Variants in ABLIM1 observed in about 807,000 individuals in gnomAD.
ABLIM1 encodes actin binding LIM protein 1.
A neutral mutation model predicts 107.0 loss-of-function variants in ABLIM1; 40 were observed. That is an observed-to-expected ratio of 0.37 (90% CI 0.29 to 0.49). The LOEUF (loss-of-function observed/expected upper bound fraction) is 0.49. ABLIM1 is among the 20% of genes least tolerant of loss of function. ABLIM1 has a pLI of 0.97. For synonymous variants in ABLIM1, 357 were observed against 357.3 expected, an observed-to-expected ratio of 1.00 and a Z score of 0.01; for missense variants, 857 against 1,008.5, an observed-to-expected ratio of 0.85 and a Z score of 2.04.
At chr10:114,613,774 C>G in intron 1 of ABLIM1, 1 of 1,293,548 alleles carries the variant, frequency 7.7e-7, no homozygotes, top group Non-Finnish European at 1.0e-6. Flanking sequence ...GAACTACTCT[C>G]TAAACACCTA....
At chr10:114,612,693 G>A (rs188818960) in intron 1 of ABLIM1, among the ~76,000 whole-genome samples, 38 of 152,264 alleles carry the variant, frequency 2.5e-4, no homozygotes, top group Non-Finnish European at 3.4e-4. Flanking sequence ...TAACAAATGG[G>A]CATTGGCTTC....
intron 6 of ABLIM1, among the ~76,000 whole-genome samples, chr10:114,540,211 G>A (rs1221368415): frequency 6.6e-6 from 1 of 152,192 alleles, no homozygotes; most frequent in Non-Finnish European, 1.5e-5. Context: ...CATTGGTTCT[G>A]TCTGATCCCT....
chr10:114,658,371 C>A, upstream of ABLIM1: 1 of 1,277,398 alleles, frequency 7.8e-7, no homozygotes, highest in Non-Finnish European at 1.0e-6. Context: ...GCTTAGGGCA[C>A]CATATTCTCA....
At chr10:114,615,603 C>T (rs772264371) in intron 1 of ABLIM1, 2 of 463,732 alleles carry the variant, frequency 4.3e-6, no homozygotes, top group South Asian at 3.1e-5. Context: ...AAAGCCAGCA[C>T]TCTATAAATG....
rs576187225 is a variant in ABLIM1 at position 114,542,382 on chromosome 10, C to T, written c.894+2623G>A. ...GTATGATTGTACCACTGCACTCCAG[C>T]CTGGGCAACAGAGCAAAACCTTGTC... On this transcript the variant is annotated intron_variant, in intron 6 of 22. Coordinates refer to ENST00000533213, the MANE Select transcript of ABLIM1 (RefSeq NM_002313.7). Among the ~76,000 whole-genome samples the T allele has an allele frequency of 2.1e-4, 31 of 145,224 alleles. No individual in the cohort carries two copies. The South Asian group carries it at 6.8e-3, about 32-fold the overall frequency.
chr10:114,777,121 T>C, the ABLIM1 span, among the ~76,000 whole-genome samples: 8 of 152,190 alleles, frequency 5.3e-5, no homozygotes, highest in Non-Finnish European at 1.2e-4. Flanking sequence ...CCCATTTTTT[T>C]CTTCCATGAT....
chr10:114,585,476 C>T (rs1293780461), intron 2 of ABLIM1, among the ~76,000 whole-genome samples: 1 of 152,210 alleles, frequency 6.6e-6, no homozygotes, highest in Non-Finnish European at 1.5e-5. Context: ...TATTATCCCT[C>T]CTAATGGGCT....
At chr10:114,568,189 T>A in intron 4 of ABLIM1, among the ~76,000 whole-genome samples, 1 of 90,672 alleles carries the variant, frequency 1.1e-5, no homozygotes, top group South Asian at 4.0e-4. Context: ...AGAGCAAGAC[T>A]CCGTCTCAAA....
intron 12 of ABLIM1, among the ~76,000 whole-genome samples, chr10:114,465,020 G>A (rs1485980824): frequency 6.6e-6 from 1 of 152,136 alleles, no homozygotes; most frequent in Non-Finnish European, 1.5e-5. Flanking sequence ...GCAGATGAAG[G>A]TCCACTAAAA....
intron 1 of ABLIM1, among the ~76,000 whole-genome samples, chr10:114,762,042 CT>C (rs747196971): frequency 6.7e-5 from 10 of 149,080 alleles, no homozygotes; most frequent in East Asian, 5.9e-4. Flanking sequence ...TCAGGATATC[CT>C]TTTTTTTTGA....
At chr10:114,736,088 G>C (rs2082173316) in intron 1 of ABLIM1, among the ~76,000 whole-genome samples, 1 of 152,128 alleles carries the variant, frequency 6.6e-6, no homozygotes, top group Admixed American at 6.5e-5. Flanking sequence ...CCCCAAAAGA[G>C]AGCTAAACTT....
chr10:114,722,235 A>G (rs1030289986), intron 1 of ABLIM1, among the ~76,000 whole-genome samples: 4 of 152,192 alleles, frequency 2.6e-5, no homozygotes, highest in Admixed American at 2.6e-4. Context: ...GGGAGGCCTC[A>G]GGAAACTTAC....
At chr10:114,798,563 C>CCG in the ABLIM1 span, among the ~76,000 whole-genome samples, 1 of 125,828 alleles carries the variant, frequency 7.9e-6, no homozygotes, top group Non-Finnish European at 1.6e-5. Flanking sequence ...GAGACCCCCC[C>CCG]CCCATGTCTA....
chr10:114,666,722 G>C (rs1947448275), intron 1 of ABLIM1, among the ~76,000 whole-genome samples: 1 of 152,098 alleles, frequency 6.6e-6, no homozygotes, highest in African/African-American at 2.4e-5. Context: ...ATAGTTCCTG[G>C]TACATAGAAA....
chr10:114,492,875 A>G (rs572014049), intron 6 of ABLIM1, among the ~76,000 whole-genome samples: 1 of 152,328 alleles, frequency 6.6e-6, no homozygotes, highest in East Asian at 1.9e-4. Context: ...CTTTCCTGTA[A>G]AAACTACAAG....
chr10:114,789,985 G>A, the ABLIM1 span, among the ~76,000 whole-genome samples: 2 of 152,146 alleles, frequency 1.3e-5, no homozygotes, highest in East Asian at 1.9e-4. Flanking sequence ...TAGAGATGGC[G>A]TTTCGCCATG....
chr10:114,612,065 G>A (rs956582858), intron 1 of ABLIM1, among the ~76,000 whole-genome samples: 10 of 152,238 alleles, frequency 6.6e-5, no homozygotes, highest in East Asian at 3.9e-4. Context: ...GGGTGGTAGC[G>A]GAGACAATGT....
At chr10:114,665,945 C>T (rs1243658097) in intron 1 of ABLIM1, among the ~76,000 whole-genome samples, 5 of 152,228 alleles carry the variant, frequency 3.3e-5, no homozygotes. Context: ...TTTTGGAGTT[C>T]ACAGTTATAG....
At chr10:114,787,308 C>T in the ABLIM1 span, among the ~76,000 whole-genome samples, 152 of 151,750 alleles carry the variant, frequency 1.0e-3, 1 homozygote, top group African/African-American at 3.5e-3. Context: ...GCAGCCGCCC[C>T]GTCTGAGAAG....
Sources: allele counts gnomAD v4.1 joint callset (sites outside exome capture counted in the v4.1 genomes callset), GRCh38; gene constraint gnomAD v4.1.1; transcripts MANE v1.5; gene names NCBI Gene and HGNC (gene_info 2026-07-23, HGNC 2026-07-21).